CNTN4: variants seen among roughly 807,000 people sequenced by gnomAD.
CNTN4 encodes contactin 4.
Under a neutral mutation model 122.5 loss-of-function variants are expected in CNTN4, and 77 were observed. The ratio of observed to expected loss-of-function variants is 0.63; its 90% CI spans 0.52 to 0.76. The LOEUF (loss-of-function observed/expected upper bound fraction) is 0.76. CNTN4 is among the 30% of genes least tolerant of loss of function. The pLI, the probability that CNTN4 is intolerant of heterozygous loss-of-function variation, is 0.00. For synonymous variants in CNTN4, 512 were observed against 447.0 expected (o/e 1.15, Z -1.83); for missense variants, 1,256 against 1,259.1 (o/e 1.00, Z 0.04).
At chr3:2,212,586 G>A (rs893872979) in intron 2 of CNTN4, among the ~76,000 whole-genome samples, 2 of 152,182 alleles carry the variant, frequency 1.3e-5, no homozygotes, top group Non-Finnish European at 2.9e-5. Flanking sequence ...ATGATGCAGT[G>A]ATCTCTACCT....
Position 3,030,919 on chromosome 3 carries a change from G to A in CNTN4, c.1727G>A (p.Cys576Tyr), listed in dbSNP as rs771518867. ...CTGAAGCATGCTGGGAAATATGTCTGCATGGTCCAAACAAGTGTGGACAGG... is the reference window on the plus strand; with the variant it reads ...CTGAAGCATGCTGGGAAATATGTCTACATGGTCCAAACAAGTGTGGACAGG... ...IQLKHAGKYV[C>Y]MVQTSVDRLS... The change falls in exon 16 of 25, where the codon TGC (cysteine) becomes TAC (tyrosine). Residue 576 changes from cysteine (C) to tyrosine (Y), a missense_variant. Cys to Tyr is a radical substitution (Grantham distance 194). Transcript: ENST00000418658. 4.3e-6 allele frequency: 7 copies of A among 1,614,068 alleles called. No homozygotes were observed. Among genetic ancestry groups the A allele is most frequent in the Non-Finnish European group, 5.9e-6 (7 of 1,179,926 alleles).
intron 2 of CNTN4, among the ~76,000 whole-genome samples, chr3:2,328,364 C>CAG (rs2043560670): frequency 2.6e-5 from 4 of 151,168 alleles, no homozygotes; most frequent in African/African-American, 9.7e-5. Flanking sequence ...CAAGATGGCG[C>CAG]CACCGCCCTC....
At chr3:2,996,332 C>G (rs1695534644) in intron 14 of CNTN4, among the ~76,000 whole-genome samples, 1 of 152,110 alleles carries the variant, frequency 6.6e-6, no homozygotes, top group Non-Finnish European at 1.5e-5. Context: ...TACCTCAGGT[C>G]AGAATCCTAC....
intron 2 of CNTN4, among the ~76,000 whole-genome samples, chr3:2,300,652 A>G (rs1575313121): frequency 7.2e-6 from 1 of 139,792 alleles, no homozygotes; most frequent in Non-Finnish European, 1.5e-5. Context: ...GCTCACTGCA[A>G]CCTCTGCCTC....
At chr3:3,006,216 C>A (rs375520982) in intron 14 of CNTN4, among the ~76,000 whole-genome samples, 2 of 151,864 alleles carry the variant, frequency 1.3e-5, no homozygotes, top group African/African-American at 4.8e-5. Flanking sequence ...GTTATCTAAA[C>A]GTACTTTTGG....
chr3:2,447,732 C>G (rs1424664526), intron 3 of CNTN4, among the ~76,000 whole-genome samples: 1 of 151,862 alleles, frequency 6.6e-6, no homozygotes, highest in Non-Finnish European at 1.5e-5. Context: ...TATGAATATT[C>G]AATACATTAT....
intron 2 of CNTN4, among the ~76,000 whole-genome samples, chr3:2,156,431 A>G (rs547685216): frequency 1.3e-5 from 2 of 152,324 alleles, no homozygotes; most frequent in African/African-American, 2.4e-5. Flanking sequence ...GTCCTCAAGC[A>G]GCGCCACCGT....
At chr3:2,668,192 A>G (rs531549080) in intron 4 of CNTN4, among the ~76,000 whole-genome samples, 49 of 152,242 alleles carry the variant, frequency 3.2e-4, no homozygotes, top group African/African-American at 1.1e-3. Context: ...CAGTATGACC[A>G]TTTTCACAAT....
intron 3 of CNTN4, among the ~76,000 whole-genome samples, chr3:2,366,596 G>A (rs1005948908): frequency 3.3e-4 from 50 of 151,924 alleles, no homozygotes; most frequent in African/African-American, 1.2e-3. Context: ...GCATGGTGGC[G>A]GGCGCCTGTA....
At chr3:2,344,766 G>A (rs1229981218) in intron 3 of CNTN4, among the ~76,000 whole-genome samples, 1 of 152,116 alleles carries the variant, frequency 6.6e-6, no homozygotes, top group Non-Finnish European at 1.5e-5. Flanking sequence ...TGAACCTACT[G>A]TGGTTCCAGT....
chr3:2,444,208 TAA>T (rs36104812), intron 3 of CNTN4, among the ~76,000 whole-genome samples: 3,585 of 136,298 alleles, frequency 0.026, 129 homozygotes, highest in African/African-American at 0.089. Flanking sequence ...TGTATTCTAG[TAA>T]AAAAAAAAAA....
intron 4 of CNTN4, among the ~76,000 whole-genome samples, chr3:2,605,346 T>C (rs540375691): frequency 4.0e-5 from 6 of 151,842 alleles, no homozygotes; most frequent in African/African-American, 7.3e-5. Flanking sequence ...GTGAAGACAG[T>C]GTTAGGAGGT....
chr3:2,504,149 G>T (rs1415112535), intron 3 of CNTN4, among the ~76,000 whole-genome samples: 1 of 152,134 alleles, frequency 6.6e-6, no homozygotes, highest in Non-Finnish European at 1.5e-5. Context: ...TGCAGAAGTT[G>T]AAAGTGACCC....
intron 8 of CNTN4, among the ~76,000 whole-genome samples, chr3:2,867,960 A>G (rs755462759): frequency 1.6e-4 from 24 of 152,194 alleles, no homozygotes; most frequent in Non-Finnish European, 2.8e-4. Context: ...AATAAATTCA[A>G]ACAAAGACAT....
At chr3:2,186,162 T>G (rs1483219777) in intron 2 of CNTN4, among the ~76,000 whole-genome samples, 1 of 149,598 alleles carries the variant, frequency 6.7e-6, no homozygotes, top group African/African-American at 2.5e-5. Flanking sequence ...TTCCCACCTA[T>G]GAGTGAGAAC....
At position 2,201,607 on chromosome 3, in the gene CNTN4, G is replaced by T. The variant is rs192928817; in HGVS notation, c.-145+100968G>T. Among the ~76,000 whole-genome samples the T allele has an allele frequency of 1.3e-3, 191 of 152,228 alleles. 2 individuals carry two copies. The highest frequency in any genetic ancestry group is 4.4e-3 in the African/African-American group (181 of 41,520). ...TGAAAAGATTCATTTCTTTTCAGAA[G>T]AGCTGCTTACTTAGAGAGTGATTGA... On this transcript the variant is annotated intron_variant, in intron 2 of 24. Transcript: ENST00000418658.
At chr3:2,943,629 T>TG (rs2094640126) in intron 13 of CNTN4, among the ~76,000 whole-genome samples, 1 of 61,948 alleles carries the variant, frequency 1.6e-5, no homozygotes, top group African/African-American at 5.9e-5. Flanking sequence ...TATATATATA[T>TG]ATTTTTTTTT....
At chr3:2,207,395 C>T (rs553319641) in intron 2 of CNTN4, among the ~76,000 whole-genome samples, 1 of 152,166 alleles carries the variant, frequency 6.6e-6, no homozygotes, top group East Asian at 1.9e-4. Flanking sequence ...TGGCATCAAA[C>T]AGCTAAGTCG....
chr3:2,746,368 G>A (rs9849609), intron 6 of CNTN4, among the ~76,000 whole-genome samples: 35,784 of 151,782 alleles, frequency 0.24, 4,760 homozygotes, highest in African/African-American at 0.36. Context: ...ACAAATAACC[G>A]TGTCTTAAGA....
Sources: gnomAD v4.1 joint callset for allele counts (sites outside exome capture counted in the v4.1 genomes callset) on GRCh38, gnomAD v4.1.1 for gene constraint, MANE v1.5 for transcripts, NCBI Gene and HGNC (gene_info 2026-07-23, HGNC 2026-07-21) for gene names.